ACSBG1: variants seen among roughly 807,000 people sequenced by gnomAD.
ACSBG1 encodes long-chain-fatty-acid--CoA ligase ACSBG1.
ACSBG1 carries 39 observed loss-of-function variants against 80.2 expected under a neutral mutation model. That is an observed-to-expected ratio of 0.49 (90% CI 0.38 to 0.64). ACSBG1 has a LOEUF of 0.64. Among genes scored for constraint, ACSBG1 ranks in the 30% least tolerant of loss-of-function variants. The pLI is 0.00. For missense variants in ACSBG1, 828 were observed against 966.4 expected (o/e 0.86, Z 1.90); for synonymous variants, 392 against 379.5 (o/e 1.03, Z -0.38).
chr15:78,207,942 C>T, intron 2 of ACSBG1, 60 bp downstream of exon 2: 2 of 959,864 alleles, frequency 2.1e-6, no homozygotes, highest in South Asian at 2.8e-5. Context: ...ACCCCTCCAG[C>T]ACACCCAGCA....
At chr15:78,228,400 T>G (rs2075421241) in intron 1 of ACSBG1, among the ~76,000 whole-genome samples, 1 of 152,190 alleles carries the variant, frequency 6.6e-6, no homozygotes, top group Admixed American at 6.5e-5. Context: ...ATGTGAATGT[T>G]GTAATACAGT....
intron 1 of ACSBG1, among the ~76,000 whole-genome samples, chr15:78,232,748 G>A (rs1035334941): frequency 6.6e-6 from 1 of 151,112 alleles, no homozygotes; most frequent in Non-Finnish European, 1.5e-5. Flanking sequence ...GCAGTGGCAC[G>A]ATCTTGACTC....
intron 1 of ACSBG1, among the ~76,000 whole-genome samples, chr15:78,223,986 T>G (rs2075379888): frequency 6.6e-6 from 1 of 152,198 alleles, no homozygotes. Flanking sequence ...GATTCTGTCC[T>G]AGAGCCCCTG....
At chr15:78,215,776 A>AAGAAAGAAAG (rs1161305047) in intron 1 of ACSBG1, among the ~76,000 whole-genome samples, 22 of 144,120 alleles carry the variant, frequency 1.5e-4, no homozygotes, top group African/African-American at 5.7e-4. Flanking sequence ...GAAAGAAAGA[A>AAGAAAGAAAG]AGAAAGAAAG....
intron 5 of ACSBG1, among the ~76,000 whole-genome samples, chr15:78,185,052 GGAGAGAGAGAGAGA>G (rs35144005): frequency 1.4e-5 from 2 of 141,202 alleles, no homozygotes; most frequent in African/African-American, 2.6e-5. Context: ...CGGAGGGGAG[GGAGAGAGAGAGAGA>G]GAGAGAGAGA....
chr15:78,227,675 C>CT (rs1389848891), intron 1 of ACSBG1, among the ~76,000 whole-genome samples: 1 of 152,142 alleles, frequency 6.6e-6, no homozygotes, highest in Non-Finnish European at 1.5e-5. Flanking sequence ...ACAAAAACAC[C>CT]TTATACAAGA....
intron 10 of ACSBG1, among the ~76,000 whole-genome samples, chr15:78,179,138 C>T (rs1356730341): frequency 6.6e-6 from 1 of 152,098 alleles, no homozygotes; most frequent in Admixed American, 6.5e-5. Flanking sequence ...CAGAACTGAC[C>T]GCCCTCACCG....
At position 78,198,495 on chromosome 15, in the gene ACSBG1, C is replaced by T. The variant is rs974807662; in HGVS notation, c.233-3769G>A. On this transcript the variant is annotated intron_variant, in intron 2 of 13. Transcript: ENST00000258873. ...CCAAGTAGCTGGGATTACAGGTGCCCGCCACCATGCCTGGCTAATTTTTGC... is the reference window on the plus strand; with the variant it reads ...CCAAGTAGCTGGGATTACAGGTGCCTGCCACCATGCCTGGCTAATTTTTGC... Among the ~76,000 whole-genome samples the T allele has an allele frequency of 1.4e-4, 22 of 152,134 alleles. 1 individual carries two copies. The highest frequency in any genetic ancestry group is 6.2e-4 in the South Asian group (3 of 4,812).
rs1485409146 is a variant in ACSBG1, at chr15:78,179,686, A to T, written c.1348T>A (p.Tyr450Asn). The T allele has an allele frequency of 6.2e-7, 1 of 1,614,180 alleles. No homozygotes were observed. Among genetic ancestry groups the T allele is most frequent in the Non-Finnish European group, 8.5e-7 (1 of 1,180,022 alleles). ...LGFAKCQKNF[Y>N]GAAPMMAETQ... Reference sequence around the variant, plus strand: ...TCTGCCATCATGGGGGCCGCTCCATAGAAGTTCTTTTGACACTTGGCAAAT... The same window carrying T: ...TCTGCCATCATGGGGGCCGCTCCATTGAAGTTCTTTTGACACTTGGCAAAT... Residue 450 changes from tyrosine (Y) to asparagine (N), a missense_variant, in exon 10 of 14, where the codon TAT becomes AAT. By Grantham distance (143) the Tyr-to-Asn change is moderately radical. This residue lies in a region of ACSBG1 where 271 missense variants were observed against 375.9 expected (regional missense o/e 0.72). Transcript: ENST00000258873.
chr15:78,193,547 T>C lies in ACSBG1; in HGVS notation c.622A>G (p.Ile208Val), dbSNP rs376575851. 25 of 1,613,284 alleles carry C rather than the reference T, an allele frequency of 1.5e-5. No homozygotes were observed. The highest frequency in any genetic ancestry group is 1.9e-5 in the Non-Finnish European group (23 of 1,179,568). Residue 208 changes from isoleucine (I) to valine (V), a missense_variant, in exon 5 of 14, where the codon ATC becomes GTC. Physicochemically the swap from Ile to Val is conservative, Grantham distance 29 (BLOSUM62 3). Coordinates refer to ENST00000258873, the MANE Select transcript of ACSBG1 (RefSeq NM_015162.5). Reference sequence around the variant, plus strand: ...AGCTGCTTCTGCGTGTCGACCATGATGACATTGGCGCAGCAGTCATAAGCG... The same window carrying C: ...AGCTGCTTCTGCGTGTCGACCATGACGACATTGGCGCAGCAGTCATAAGCG... ...YIAYDCCANV[I>V]MVDTQKQLEK...
At position 78,194,125 on chromosome 15, in the gene ACSBG1, C is replaced by G. The variant is rs1005926630; in HGVS notation, c.454-105G>C. 3 of 1,100,132 alleles carry G rather than the reference C, an allele frequency of 2.7e-6. No individual in the cohort carries two copies. In the African/African-American group the frequency reaches 4.7e-5, roughly 17 times the overall value. The allele number at this position is 1,100,132 out of a possible 1,614,324, so 68.1% of individuals were successfully genotyped here. ...ACTGCAGGGGACCTGCAGGCTCCAC[C>G]CTCCCAGGGTCCCCTCAGTCAGAGA... is the stretch of plus-strand genomic sequence containing the variant. On this transcript the variant is annotated intron_variant, in intron 3 of 13. Coordinates refer to ENST00000258873, the MANE Select transcript of ACSBG1 (RefSeq NM_015162.5).
chr15:78,228,243 C>A (rs114832449), intron 1 of ACSBG1, among the ~76,000 whole-genome samples: 2,289 of 152,252 alleles, frequency 0.015, 60 homozygotes, highest in African/African-American at 0.052. Context: ...GAGCTGGGAT[C>A]CAGGGGTCTC....
intron 5 of ACSBG1, among the ~76,000 whole-genome samples, chr15:78,191,584 G>A (rs138202246): frequency 1.8e-4 from 28 of 152,280 alleles, no homozygotes; most frequent in African/African-American, 6.7e-4. Context: ...TCTTTCTTTG[G>A]AGAATTCCAG....
chr15:78,180,855 G>A lies in ACSBG1; in HGVS notation c.1153C>T (p.Arg385Cys), dbSNP rs760659983. 1.6e-5 allele frequency: 26 copies of A among 1,614,048 alleles called. No individual in the cohort carries two copies. The highest frequency in any genetic ancestry group is 6.7e-5 in the Admixed American group (4 of 59,998). ...VPRVWEKIME[R>C]IQEVAAQSGF... ...GACTGAGCCGCCACCTCCTGGATGC[G>A]CTCCATGATCTTCTCCCATACCCGG... Residue 385 changes from arginine to cysteine, a missense_variant, in exon 9 of 14, where the codon CGC (arginine) becomes TGC (cysteine). Coordinates refer to ENST00000258873, the MANE Select transcript of ACSBG1 (RefSeq NM_015162.5).
At chr15:78,184,060 G>T (rs917629849) in intron 5 of ACSBG1, among the ~76,000 whole-genome samples, 1 of 152,074 alleles carries the variant, frequency 6.6e-6, no homozygotes, top group African/African-American at 2.4e-5. Flanking sequence ...CACACACACA[G>T]AATTACATCA....
chr15:78,177,579 C>G lies in ACSBG1; in HGVS notation c.1702+1035G>C, dbSNP rs371620095. On this transcript the variant is annotated intron_variant, in intron 11 of 13. Coordinates refer to ENST00000258873, the MANE Select transcript of ACSBG1 (RefSeq NM_015162.5). The surrounding 1 kb of genome is among the most constrained non-coding windows in gnomAD (Gnocchi z 4.1). The stretch of plus-strand genomic sequence containing the variant: ...CACTAGGCGGCGCCCATGGCACATC[C>G]AAGCAGTCACCTGTTGCTCCCGGGG... Among the ~76,000 whole-genome samples the G allele has an allele frequency of 3.8e-3, 571 of 152,264 alleles. 3 individuals carry two copies. Among genetic ancestry groups the G allele is most frequent in the South Asian group, 0.015 (71 of 4,816 alleles).
At chr15:78,190,759 A>T (rs2075050279) in intron 5 of ACSBG1, among the ~76,000 whole-genome samples, 1 of 152,040 alleles carries the variant, frequency 6.6e-6, no homozygotes. Flanking sequence ...TGGAGAGTAC[A>T]CTGTGATAAG....
rs200499832 is a variant in ACSBG1 at position 78,173,613 on chromosome 15, G to C, written c.2069C>G (p.Ser690Cys). 6.2e-7 allele frequency: 1 copy of C among 1,614,140 alleles called. No homozygotes were observed. The highest frequency in any genetic ancestry group is 1.3e-5 in the African/African-American group (1 of 75,040). Residue 690 changes from serine (S) to cysteine (C), a missense_variant, in exon 13 of 14, where the codon TCC becomes TGC. Around this residue, in one of 3 missense-constraint regions of ACSBG1, gnomAD observed 201 missense variants for 227.0 expected, o/e 0.89. Transcript: ENST00000258873. ...QKWAILERDFSISGGELGPTM... is the reference protein window; with the variant it reads ...QKWAILERDFCISGGELGPTM... ...CCTACCCAACTCTCCACCCGAAATG[G>C]AGAAGTCTCTCTCGAGAATGGCCCA...
chr15:78,176,938 A>T (rs1428049749), intron 11 of ACSBG1, among the ~76,000 whole-genome samples: 2 of 152,160 alleles, frequency 1.3e-5, no homozygotes, highest in African/African-American at 4.8e-5. Flanking sequence ...AAAAATAAAT[A>T]AATAAATAAA....
Sources: allele counts gnomAD v4.1 joint callset (sites outside exome capture counted in the v4.1 genomes callset), GRCh38; gene constraint gnomAD v4.1.1; regional missense constraint gnomAD v4.1.1; non-coding constraint Gnocchi (gnomAD v3.1); transcripts MANE v1.5; gene names NCBI Gene and HGNC (gene_info 2026-07-23, HGNC 2026-07-21).